Variants in AFG2A observed in about 807,000 individuals in gnomAD.
AFG2A encodes ATPase family gene 2 protein homolog A.
chr4:122,988,684 C>T, the AFG2A span, among the ~76,000 whole-genome samples: 2 of 152,126 alleles, frequency 1.3e-5, no homozygotes, highest in Non-Finnish European at 2.9e-5. Flanking sequence ...CCTGAGCCAC[C>T]GTGCCCAGCC....
the AFG2A span, among the ~76,000 whole-genome samples, chr4:122,984,511 G>C: frequency 1.3e-5 from 2 of 152,148 alleles, no homozygotes; most frequent in African/African-American, 4.8e-5. Flanking sequence ...GTGAGAGTGA[G>C]CATCCTTGTC....
the AFG2A span, among the ~76,000 whole-genome samples, chr4:123,087,307 A>G: frequency 6.6e-6 from 1 of 152,124 alleles, no homozygotes; most frequent in African/African-American, 2.4e-5. Context: ...TTCTCCCGTT[A>G]GGTGGGACAG....
chr4:123,117,614 T>C, the AFG2A span, among the ~76,000 whole-genome samples: 1 of 151,866 alleles, frequency 6.6e-6, no homozygotes, highest in African/African-American at 2.4e-5. Flanking sequence ...GTTGATTTTA[T>C]TTTTTAAATG....
At chr4:123,244,836 T>C in the AFG2A span, among the ~76,000 whole-genome samples, 1 of 151,584 alleles carries the variant, frequency 6.6e-6, no homozygotes, top group Non-Finnish European at 1.5e-5. Flanking sequence ...TAGGTGTCTG[T>C]AGGCAGATCA....
At chr4:123,086,230 A>G in the AFG2A span, among the ~76,000 whole-genome samples, 1 of 152,168 alleles carries the variant, frequency 6.6e-6, no homozygotes. Context: ...TACTGGCAAC[A>G]AATTCCTTAT....
At chr4:122,999,447 G>A in the AFG2A span, among the ~76,000 whole-genome samples, 513 of 151,326 alleles carry the variant, frequency 3.4e-3, 2 homozygotes, top group African/African-American at 0.012. Context: ...TTTAGGTATA[G>A]CGTTTAAGTC....
At chr4:122,960,099 C>T in the AFG2A span, among the ~76,000 whole-genome samples, 1 of 152,140 alleles carries the variant, frequency 6.6e-6, no homozygotes, top group Admixed American at 6.5e-5. Context: ...CTTTTTAAAG[C>T]AAAGAGCAGC....
chr4:123,080,854 A>G, the AFG2A span, among the ~76,000 whole-genome samples: 1 of 152,116 alleles, frequency 6.6e-6, no homozygotes, highest in Non-Finnish European at 1.5e-5. Context: ...TAATTCAGAC[A>G]GCTAACTATC....
At chr4:123,128,399 G>C in the AFG2A span, among the ~76,000 whole-genome samples, 2 of 152,048 alleles carry the variant, frequency 1.3e-5, no homozygotes, top group African/African-American at 4.8e-5. Flanking sequence ...TGTTTTCTTA[G>C]TTTAAACTTT....
the AFG2A span, among the ~76,000 whole-genome samples, chr4:123,296,766 A>G: frequency 6.6e-6 from 1 of 152,206 alleles, no homozygotes; most frequent in African/African-American, 2.4e-5. Context: ...AAAAAATATT[A>G]AGAAGAAAAC....
the AFG2A span, chr4:122,938,372 A>G: frequency 1.4e-5 from 15 of 1,109,924 alleles, no homozygotes; most frequent in South Asian, 6.7e-5. Flanking sequence ...AATATTAGCC[A>G]TAGCAACTAG....
the AFG2A span, among the ~76,000 whole-genome samples, chr4:123,276,947 T>G: frequency 6.6e-6 from 1 of 152,300 alleles, no homozygotes; most frequent in African/African-American, 2.4e-5. Flanking sequence ...TTGCTTAGGA[T>G]TATGTTGGCT....
the AFG2A span, among the ~76,000 whole-genome samples, chr4:123,143,107 A>G: frequency 6.6e-6 from 1 of 151,982 alleles, no homozygotes; most frequent in African/African-American, 2.4e-5. Context: ...ATCCAAAAAA[A>G]ATCTGAAATC....
At chr4:123,238,168 G>A in the AFG2A span, among the ~76,000 whole-genome samples, 1 of 152,214 alleles carries the variant, frequency 6.6e-6, no homozygotes, top group African/African-American at 2.4e-5. Flanking sequence ...AAACAAAGTG[G>A]CCAGGAAGCT....
At chr4:123,042,322 C>T in the AFG2A span, among the ~76,000 whole-genome samples, 1 of 151,574 alleles carries the variant, frequency 6.6e-6, no homozygotes, top group African/African-American at 2.4e-5. Flanking sequence ...CATAGCCTCA[C>T]ATAGTGGAAA....
chr4:123,188,304 T>C, the AFG2A span, among the ~76,000 whole-genome samples: 1 of 152,198 alleles, frequency 6.6e-6, no homozygotes, highest in Non-Finnish European at 1.5e-5. Context: ...ATATTAAAAC[T>C]ATAAGCCATT....
chr4:123,300,343 T>C, the AFG2A span, among the ~76,000 whole-genome samples: 1 of 152,202 alleles, frequency 6.6e-6, no homozygotes, highest in Non-Finnish European at 1.5e-5. Context: ...ACGTATGTGT[T>C]ATTTCCTTCC....
chr4:123,075,981 A>AC, the AFG2A span, among the ~76,000 whole-genome samples: 22 of 145,794 alleles, frequency 1.5e-4, no homozygotes, highest in South Asian at 5.4e-3. Context: ...AACAACAAAA[A>AC]AAAAAACAAA....
At chr4:123,256,807 AT>A in the AFG2A span, 1 of 984,530 alleles carries the variant, frequency 1.0e-6, no homozygotes, top group Non-Finnish European at 1.2e-6. Context: ...GCAGATTAAC[AT>A]TTTTTCTCTC....
Sources: gnomAD v4.1 joint callset for allele counts (sites outside exome capture counted in the v4.1 genomes callset) on GRCh38, gnomAD v4.1.1 for gene constraint, MANE v1.5 for transcripts, NCBI Gene and HGNC (gene_info 2026-07-23, HGNC 2026-07-21) for gene names.